RANBP2: variants seen among roughly 807,000 people sequenced by gnomAD.
The protein encoded by RANBP2 is RAN binding protein 2, also known as E3 SUMO-protein ligase RanBP2.
In RANBP2, 57 loss-of-function variants were observed where a neutral mutation model predicts 303.6. That is an observed-to-expected ratio of 0.19 (90% confidence interval 0.15 to 0.23). RANBP2 has a LOEUF of 0.23. Ranked by LOEUF, RANBP2 falls within the 10% of genes least tolerant of loss-of-function variation. RANBP2 has a pLI of 1.00. For synonymous variants in RANBP2, 1,167 were observed against 1,301.5 expected, an observed-to-expected ratio of 0.90 and a Z score of 2.23; for missense variants, 3,138 against 3,780.8, an observed-to-expected ratio of 0.83 and a Z score of 4.46.
At chr2:109,422,321 C>G in the RANBP2 span, among the ~76,000 whole-genome samples, 5 of 152,204 alleles carry the variant, frequency 3.3e-5, no homozygotes, top group African/African-American at 4.8e-5. Context: ...GACCTCATTC[C>G]TGATCTTCAT....
the RANBP2 span, among the ~76,000 whole-genome samples, chr2:109,500,793 A>T: frequency 6.6e-6 from 1 of 152,064 alleles, no homozygotes; most frequent in East Asian, 1.9e-4. Context: ...TACAAAAAAA[A>T]ATTAGAAATT....
the RANBP2 span, among the ~76,000 whole-genome samples, chr2:109,290,153 C>T: frequency 2.0e-5 from 3 of 152,198 alleles, no homozygotes; most frequent in African/African-American, 7.2e-5. Context: ...GTTGCATGGT[C>T]CTGGATGAGC....
At chr2:108,839,356 T>C in the RANBP2 span, 1 of 1,403,488 alleles carries the variant, frequency 7.1e-7, no homozygotes, top group Non-Finnish European at 9.8e-7. Context: ...ATATTACTTC[T>C]TGATCTTGTT....
the RANBP2 span, among the ~76,000 whole-genome samples, chr2:108,897,922 T>C: frequency 6.6e-6 from 1 of 152,210 alleles, no homozygotes; most frequent in African/African-American, 2.4e-5. Flanking sequence ...GGGACCTCGA[T>C]ACCTTAGGAT....
At chr2:109,354,905 TGTA>T in the RANBP2 span, among the ~76,000 whole-genome samples, 1 of 152,256 alleles carries the variant, frequency 6.6e-6, no homozygotes, top group African/African-American at 2.4e-5. Context: ...CCTTTGTGAA[TGTA>T]GTATTTACGA....
At chr2:109,273,397 G>T in the RANBP2 span, among the ~76,000 whole-genome samples, 2 of 152,224 alleles carry the variant, frequency 1.3e-5, no homozygotes, top group Non-Finnish European at 2.9e-5. Flanking sequence ...GGGGAGGCAG[G>T]TCTCCAAGGG....
chr2:109,665,855 C>G, the RANBP2 span: 2 of 151,820 alleles, frequency 1.3e-5, no homozygotes, highest in Non-Finnish European at 2.9e-5. Context: ...CTCATGCCTG[C>G]TATCCCAGCA....
the RANBP2 span, among the ~76,000 whole-genome samples, chr2:109,591,065 A>G: frequency 1.3e-5 from 2 of 152,238 alleles, no homozygotes; most frequent in African/African-American, 4.8e-5. Context: ...TTTGTTATGC[A>G]GCAACAGAAA....
the RANBP2 span, chr2:109,615,869 C>G: frequency 1.2e-5 from 19 of 1,613,776 alleles, no homozygotes; most frequent in Non-Finnish European, 1.5e-5. Context: ...GGCGCAAAGC[C>G]TCGGGCAGCT....
At chr2:109,644,689 C>T in the RANBP2 span, among the ~76,000 whole-genome samples, 3 of 152,154 alleles carry the variant, frequency 2.0e-5, no homozygotes, top group East Asian at 1.9e-4. Context: ...ACTGTTTTCC[C>T]GGGCAGTCAC....
the RANBP2 span, among the ~76,000 whole-genome samples, chr2:109,117,481 G>A: frequency 5.9e-5 from 9 of 152,180 alleles, no homozygotes; most frequent in Non-Finnish European, 1.3e-4. Flanking sequence ...TTTTAAGCCC[G>A]TCGGAAAAGT....
chr2:109,368,962 C>G, the RANBP2 span, among the ~76,000 whole-genome samples: 1 of 152,058 alleles, frequency 6.6e-6, no homozygotes, highest in Non-Finnish European at 1.5e-5. Context: ...GCTTGAGAGG[C>G]AAGTCAGGCA....
At chr2:109,412,550 C>A in the RANBP2 span, among the ~76,000 whole-genome samples, 7 of 152,228 alleles carry the variant, frequency 4.6e-5, no homozygotes, top group Non-Finnish European at 1.0e-4. Flanking sequence ...TGCCTGGGAG[C>A]ACAGAACTGC....
chr2:108,827,236 T>C, the RANBP2 span, among the ~76,000 whole-genome samples: 1 of 152,142 alleles, frequency 6.6e-6, no homozygotes, highest in Admixed American at 6.5e-5. Flanking sequence ...AACCAAAAAA[T>C]TATTAGAACT....
chr2:109,694,902 G>A, the RANBP2 span, among the ~76,000 whole-genome samples: 1 of 147,096 alleles, frequency 6.8e-6, no homozygotes, highest in Non-Finnish European at 1.5e-5. Context: ...TCCCACTCTC[G>A]GTTTCCTTCT....
At chr2:108,876,075 A>G in the RANBP2 span, 11 of 1,526,718 alleles carry the variant, frequency 7.2e-6, no homozygotes, top group Non-Finnish European at 9.9e-6. Context: ...TAATGTATTC[A>G]TTTTTTTTAC....
At chr2:108,950,279 C>CT in the RANBP2 span, among the ~76,000 whole-genome samples, 44 of 119,602 alleles carry the variant, frequency 3.7e-4, 1 homozygote, top group African/African-American at 1.1e-3. Flanking sequence ...TTCTTTCTTT[C>CT]TTTTTTTTCT....
the RANBP2 span, among the ~76,000 whole-genome samples, chr2:109,384,555 A>C: frequency 1.3e-5 from 2 of 151,708 alleles, no homozygotes; most frequent in African/African-American, 4.8e-5. Flanking sequence ...CCCGCAGGTC[A>C]CTCTGAGGAC....
chr2:108,757,391 G>C (rs1315827175), intron 17 of RANBP2, among the ~76,000 whole-genome samples: 1 of 152,162 alleles, frequency 6.6e-6, no homozygotes, highest in Non-Finnish European at 1.5e-5. Context: ...GTCAGATCTG[G>C]TTCAAATTCC....
Sources: gnomAD v4.1 joint callset for allele counts (sites outside exome capture counted in the v4.1 genomes callset) on GRCh38, gnomAD v4.1.1 for gene constraint, MANE v1.5 for transcripts, NCBI Gene and HGNC (gene_info 2026-07-23, HGNC 2026-07-21) for gene names.